The following LSG1 variants were observed in gnomAD, a reference collection of about 807,000 sequenced individuals.
LSG1 encodes the protein large subunit GTPase 1 homolog.
Under a neutral mutation model 82.6 loss-of-function variants are expected in LSG1, and 55 were observed. The observed-to-expected ratio is 0.67, with a 90% CI of 0.54 to 0.83. LSG1 has a LOEUF of 0.83. LSG1 is among the 40% of genes least tolerant of loss of function. The pLI is 0.00. For synonymous variants in LSG1, 272 were observed against 282.5 expected, an observed-to-expected ratio of 0.96 and a Z score of 0.37; for missense variants, 809 against 807.9, an observed-to-expected ratio of 1.00 and a Z score of -0.02.
chr3:194,640,799 G>A lies in LSG1; in HGVS notation c.*1269C>T. 1 of 151,114 alleles carries A rather than the reference G, an allele frequency of 6.6e-6. No individual in the cohort carries two copies. The highest frequency in any genetic ancestry group is 1.5e-5 in the Non-Finnish European group (1 of 67,804). 9.4% of individuals were successfully genotyped at this position (151,114 alleles called of 1,614,324 possible). ...AATACCAGAGACAGTAATTTATAAA[G>A]AAAAGAGGTTTAATTGGCTCACGGT... is the stretch of plus-strand genomic sequence containing the variant. On this transcript the variant is annotated 3_prime_UTR_variant, in exon 14 of 14. Transcript: ENST00000265245.
At chr3:194,650,787 C>A in intron 10 of LSG1, 94 bp downstream of exon 10, 4 of 1,312,630 alleles carry the variant, frequency 3.0e-6, no homozygotes, top group South Asian at 2.9e-5. Flanking sequence ...ATTTTCAATT[C>A]TTCATCAAAT....
chr3:194,668,501 A>C (rs1466070213), intron 2 of LSG1, among the ~76,000 whole-genome samples: 1 of 152,148 alleles, frequency 6.6e-6, no homozygotes, highest in Non-Finnish European at 1.5e-5. Context: ...TGTGAAACCC[A>C]GGAGTTTATT....
intron 8 of LSG1, 35 bp from the exon 9 acceptor site, chr3:194,651,251 C>T: frequency 7.1e-7 from 1 of 1,399,790 alleles, no homozygotes; most frequent in Non-Finnish European, 1.0e-6. Flanking sequence ...AACAGTAAAA[C>T]AGTACATCTA....
At chr3:194,659,961 C>T (rs1718889737) in intron 6 of LSG1, 112 bp downstream of exon 6, 5 of 900,450 alleles carry the variant, frequency 5.6e-6, no homozygotes, top group South Asian at 4.2e-5. Flanking sequence ...GAAGGCCTCA[C>T]TAAACGAAGC....
chr3:194,662,749 C>T (rs1017417278), intron 5 of LSG1, among the ~76,000 whole-genome samples: 4 of 152,050 alleles, frequency 2.6e-5, no homozygotes, highest in African/African-American at 9.7e-5. Context: ...GTAACAAGAG[C>T]GAAAGTCCGT....
Position 194,644,679 on chromosome 3 carries a change from C to T in LSG1, c.1691G>A (p.Arg564Gln), listed in dbSNP as rs1261524446. Reference protein sequence around the residue: ...DPVTFQHQHQRLLENKMNSDE... With the variant: ...DPVTFQHQHQQLLENKMNSDE... Reference sequence around the variant, plus strand: ...ACTGTTCATTTTGTTCTCTAGGAGTCGCTGGTGTTGATGCTGAAAAGTTAC... The same window carrying T: ...ACTGTTCATTTTGTTCTCTAGGAGTTGCTGGTGTTGATGCTGAAAAGTTAC... Residue 564 changes from arginine to glutamine, a missense_variant, in exon 13 of 14, where the codon CGA (arginine) becomes CAA (glutamine). Transcript: ENST00000265245. 4 of 1,610,298 alleles carry T rather than the reference C, an allele frequency of 2.5e-6. No homozygotes were observed. Among genetic ancestry groups the T allele is most frequent in the East Asian group, 4.5e-5 (2 of 44,776 alleles).
At chr3:194,664,429 C>T (rs73069362) in intron 5 of LSG1, among the ~76,000 whole-genome samples, 5,423 of 152,186 alleles carry the variant, frequency 0.036, 334 homozygotes, top group African/African-American at 0.13. Flanking sequence ...TTATGGCATC[C>T]TTGAAAGTAA....
At chr3:194,648,835 C>G (rs558213543) in intron 10 of LSG1, 31 bp from the exon 11 acceptor site, 1 of 1,612,396 alleles carries the variant, frequency 6.2e-7, no homozygotes, top group African/African-American at 1.3e-5. Context: ...TTCTCTTGAA[C>G]GGACTCCCTC....
In LSG1 at chr3:194,653,467, A is replaced by G. The variant is rs1334863375; in HGVS notation, c.760-325T>C. Reference sequence around the variant, plus strand: ...GAGGCGGAGGGTGCAGTGAGCCGAGATGGTGCCACTGCACTCCAGTCTGGG... The same window carrying G: ...GAGGCGGAGGGTGCAGTGAGCCGAGGTGGTGCCACTGCACTCCAGTCTGGG... On this transcript the variant is annotated intron_variant, in intron 7 of 13. Coordinates refer to ENST00000265245, the MANE Select transcript of LSG1 (RefSeq NM_018385.3). Among the ~76,000 whole-genome samples the G allele has an allele frequency of 2.0e-5, 3 of 151,464 alleles. No individual in the cohort carries two copies. In the East Asian group the frequency reaches 5.9e-4, roughly 30 times the overall value.
intron 12 of LSG1, chr3:194,645,545 C>T (rs1229593604): frequency 2.1e-5 from 1 of 47,440 alleles, no homozygotes; most frequent in South Asian, 8.2e-4. Flanking sequence ...GACACACACA[C>T]ACACACACAC....
chr3:194,661,156 A>T (rs1718920540), intron 5 of LSG1, among the ~76,000 whole-genome samples: 1 of 152,258 alleles, frequency 6.6e-6, no homozygotes, highest in African/African-American at 2.4e-5. Flanking sequence ...CTTTTAGGAT[A>T]GTTAAAATGT....
Position 194,646,154 on chromosome 3 carries a change from G to C in LSG1, c.1623+10C>G. The stretch of plus-strand genomic sequence containing the variant: ...TGTATTGGAGAGCATGAGAGGCAGG[G>C]TTCACTTACACTGACATAGTCCTTC... On this transcript the variant is annotated intron_variant, in intron 12 of 13. Transcript: ENST00000265245. 6.2e-7 allele frequency: 1 copy of C among 1,613,250 alleles called. No individual in the cohort carries two copies. Among genetic ancestry groups the C allele is most frequent in the African/African-American group, 1.3e-5 (1 of 75,018 alleles).
rs566736539 is a variant in LSG1 at position 194,646,723 on chromosome 3, G to A, written c.1544-480C>T. The stretch of plus-strand genomic sequence containing the variant: ...TTTAGTAGAGATGGGGTTTCACCAC[G>A]TTGTTCAGGCTGGTCTTGAACTCCT... On this transcript the variant is annotated intron_variant, in intron 11 of 13. Coordinates refer to ENST00000265245, the MANE Select transcript of LSG1 (RefSeq NM_018385.3). Among the ~76,000 whole-genome samples, 3 of 152,270 alleles carry A rather than the reference G, an allele frequency of 2.0e-5. No homozygotes were observed. The East Asian group carries it at 5.8e-4, about 29-fold the overall frequency.
chr3:194,671,959 C>A, intron 1 of LSG1, 105 bp downstream of exon 1: 1 of 1,029,436 alleles, frequency 9.7e-7, no homozygotes. Flanking sequence ...CTTCAAAACC[C>A]GGCTGAGGCG....
At chr3:194,660,008 AG>A in intron 6 of LSG1, 64 bp downstream of exon 6, 1 of 1,339,756 alleles carries the variant, frequency 7.5e-7, no homozygotes, top group South Asian at 1.2e-5. Context: ...GTCATTGCTG[AG>A]GGATGCGGTG....
chr3:194,653,032 A>G lies in LSG1; in HGVS notation c.870T>C (p.Asp290=). 3 of 1,614,184 alleles carry G rather than the reference A, an allele frequency of 1.9e-6. No individual in the cohort carries two copies. The highest frequency in any genetic ancestry group is 1.7e-6 in the Non-Finnish European group (2 of 1,180,018). Residue 290 remains aspartate (D), a synonymous_variant, in exon 8 of 14, where the codon GAT becomes GAC. Coordinates refer to ENST00000265245, the MANE Select transcript of LSG1 (RefSeq NM_018385.3). The part of the protein sequence containing the change: ...HSESEHLPAR[D]SPSLSENPTT... ...TGGGATTTTCACTAAGTGAAGGAGA[A>G]TCCCTAGCTGGGAGATGTTCGGATT... is the stretch of plus-strand genomic sequence containing the variant.
At chr3:194,653,516 A>AC (rs573377734) in intron 7 of LSG1, among the ~76,000 whole-genome samples, 46,451 of 102,844 alleles carry the variant, frequency 0.45, 7,542 homozygotes, top group East Asian at 0.54. Flanking sequence ...TCTGTCTCAC[A>AC]AAAAAAAAAA....
intron 7 of LSG1, among the ~76,000 whole-genome samples, chr3:194,658,169 CAG>C (rs1426379693): frequency 6.6e-6 from 1 of 152,106 alleles, no homozygotes; most frequent in East Asian, 1.9e-4. Flanking sequence ...TATTTTGAGA[CAG>C]AGTTTCGCTC....
At position 194,659,133 on chromosome 3, in the gene LSG1, C is replaced by T. The variant is rs1718869863; in HGVS notation, c.583G>A (p.Glu195Lys). 6.2e-7 allele frequency: 1 copy of T among 1,609,542 alleles called. No individual in the cohort carries two copies. Among genetic ancestry groups the T allele is most frequent in the Non-Finnish European group, 8.5e-7 (1 of 1,176,722 alleles). Reference sequence around the variant, plus strand: ...GCATCCATTTCTTTCACATAACATTCCTAAGCAAGACAAAGAGATTTAGAA... The same window carrying T: ...GCATCCATTTCTTTCACATAACATTTCTAAGCAAGACAAAGAGATTTAGAA... ...NPLLFRCEDL[E>K]CYVKEMDANK... Residue 195 changes from glutamate to lysine, a missense_variant and splice_region_variant, in exon 7 of 14, where the codon GAA becomes AAA. Physicochemically the swap from Glu to Lys is moderately conservative, Grantham distance 56. Coordinates refer to ENST00000265245, the MANE Select transcript of LSG1 (RefSeq NM_018385.3).
Sources: allele counts gnomAD v4.1 joint callset (sites outside exome capture counted in the v4.1 genomes callset), GRCh38; gene constraint gnomAD v4.1.1; transcripts MANE v1.5; gene names NCBI Gene and HGNC (gene_info 2026-07-23, HGNC 2026-07-21).